Variants in GRK5 observed in about 807,000 individuals in gnomAD.
The protein encoded by GRK5 is g protein-coupled receptor kinase GRK5.
Under a neutral mutation model 78.4 loss-of-function variants are expected in GRK5, and 40 were observed. The ratio of observed to expected loss-of-function variants is 0.51; its 90% CI spans 0.40 to 0.66. GRK5 has a LOEUF of 0.66. GRK5 is among the 30% of genes least tolerant of loss of function. GRK5 has a pLI of 0.00. For missense variants in GRK5, 598 were observed against 759.9 expected (o/e 0.79, Z 2.50); for synonymous variants, 289 against 296.8 (o/e 0.97, Z 0.27).
chr10:119,234,600 T>C (rs529428601), intron 1 of GRK5, among the ~76,000 whole-genome samples: 5 of 152,280 alleles, frequency 3.3e-5, no homozygotes, highest in South Asian at 2.1e-4. Flanking sequence ...ACTGTAATTT[T>C]TTCTTTTCTT....
rs1013220096 is a variant in GRK5, at chr10:119,300,948, A to G, written c.53-25568A>G. ...CAACTAAAATGCAAAAAAAACAAAAAACAAAAAAAGCTAGGCATGATGGCG... is the reference window on the plus strand; with the variant it reads ...CAACTAAAATGCAAAAAAAACAAAAGACAAAAAAAGCTAGGCATGATGGCG... On this transcript the variant is annotated intron_variant, in intron 1 of 15. Coordinates refer to ENST00000392870, the MANE Select transcript of GRK5 (RefSeq NM_005308.3). 2.0e-4 allele frequency among the ~76,000 whole-genome samples: 30 copies of G among 152,012 alleles called. 1 individual carries two copies. Among genetic ancestry groups the G allele is most frequent in the Non-Finnish European group, 2.9e-5 (2 of 67,988 alleles).
At chr10:119,291,824 C>T (rs1003180729) in intron 1 of GRK5, among the ~76,000 whole-genome samples, 12 of 150,696 alleles carry the variant, frequency 8.0e-5, no homozygotes, top group African/African-American at 2.7e-4. Context: ...TCCTTATCCT[C>T]ATTCTCCTCT....
intron 2 of GRK5, among the ~76,000 whole-genome samples, chr10:119,348,617 A>G (rs916711411): frequency 9.9e-5 from 15 of 152,118 alleles, no homozygotes; most frequent in Non-Finnish European, 1.6e-4. Flanking sequence ...AGGTGGGTCT[A>G]CTCAGGCAGG....
intron 6 of GRK5, among the ~76,000 whole-genome samples, chr10:119,429,086 G>C (rs1340895292): frequency 6.6e-6 from 1 of 152,232 alleles, no homozygotes; most frequent in Non-Finnish European, 1.5e-5. Context: ...CTGTCCAGCC[G>C]CTCCTGTGCA....
At position 119,458,032 on chromosome 10, in the gene GRK5, G is replaced by A. The variant is rs1853425380; in HGVS notation, c.*2965G>A. The A allele has an allele frequency of 6.6e-6, 1 of 152,208 alleles. No individual in the cohort carries two copies. The highest frequency in any genetic ancestry group is 2.1e-4 in the South Asian group (1 of 4,832). The allele number at this position is 152,208 out of a possible 1,614,324, so 9.4% of individuals were successfully genotyped here. A position where few individuals can be genotyped will look rare whatever the true frequency, so the allele number is the denominator to read the frequency against. ...TTTAAAAGATATTTTAAAATTAAAA[G>A]CAAACAACACTGTCCACCCATCTAC... On this transcript the variant is annotated 3_prime_UTR_variant, in exon 16 of 16. Transcript: ENST00000392870.
chr10:119,225,950 G>A (rs1212181893), intron 1 of GRK5, among the ~76,000 whole-genome samples: 44 of 151,726 alleles, frequency 2.9e-4, no homozygotes. Context: ...CCGGGTTCAC[G>A]CCATTCTCCT....
intron 8 of GRK5, among the ~76,000 whole-genome samples, chr10:119,433,276 C>T (rs764453802): frequency 1.3e-5 from 2 of 152,136 alleles, no homozygotes; most frequent in Non-Finnish European, 2.9e-5. Flanking sequence ...TTCTTGAGTC[C>T]GAAACCTTCC....
rs921191916 is a variant in GRK5 at position 119,376,598 on chromosome 10, C to T, written c.149-4217C>T. On this transcript the variant is annotated intron_variant, in intron 2 of 15. Transcript: ENST00000392870. The stretch of plus-strand genomic sequence containing the variant: ...TTTTTTTTTGAGACACAGTTTCACT[C>T]TTGTTGCCCAGGCTGGAGTACAATG... Among the ~76,000 whole-genome samples the T allele has an allele frequency of 7.3e-4, 95 of 130,090 alleles. No homozygotes were observed. In the Middle Eastern group the frequency reaches 0.022, roughly 29 times the overall value. The allele number at this position is 130,090 out of a possible 152,430, so 85.3% of individuals were successfully genotyped here. A position where few individuals can be genotyped will look rare whatever the true frequency, so the allele number is the denominator to read the frequency against.
intron 2 of GRK5, among the ~76,000 whole-genome samples, chr10:119,358,749 G>C (rs1851307842): frequency 6.6e-6 from 1 of 152,180 alleles, no homozygotes. Flanking sequence ...AGGCTGCTAT[G>C]ACAAAATACC....
At chr10:119,208,004 C>T (rs1216343242) in intron 1 of GRK5, 35 bp downstream of exon 1, 1 of 1,591,488 alleles carries the variant, frequency 6.3e-7, no homozygotes, top group South Asian at 1.1e-5. Context: ...CCGGCGCGTC[C>T]GCCGCGGGCC....
chr10:119,363,974 C>A (rs762286844), intron 2 of GRK5, among the ~76,000 whole-genome samples: 2 of 152,166 alleles, frequency 1.3e-5, no homozygotes, highest in Non-Finnish European at 2.9e-5. Context: ...CATGGGTTCA[C>A]GCCTCTCCCT....
In GRK5 at chr10:119,253,628, A is replaced by T. The variant is rs1423283925; in HGVS notation, c.52+45659A>T. 1.3e-5 allele frequency among the ~76,000 whole-genome samples: 2 copies of T among 152,140 alleles called. No homozygotes were observed. The highest frequency in any genetic ancestry group is 2.4e-5 in the African/African-American group (1 of 41,436). On this transcript the variant is annotated intron_variant, in intron 1 of 15. Coordinates refer to ENST00000392870, the MANE Select transcript of GRK5 (RefSeq NM_005308.3). The surrounding 1 kb of genome is among the most constrained non-coding windows in gnomAD (Gnocchi z 5.7). Reference sequence around the variant, plus strand: ...TCGTTTGGAGGTCACGGCTCACCATAAAAATGGTGTGAGTGGCCAGCTCTT... The same window carrying T: ...TCGTTTGGAGGTCACGGCTCACCATTAAAATGGTGTGAGTGGCCAGCTCTT...
intron 4 of GRK5, among the ~76,000 whole-genome samples, chr10:119,414,228 A>G (rs1438548800): frequency 1.3e-5 from 2 of 152,238 alleles, no homozygotes; most frequent in African/African-American, 2.4e-5. Context: ...TATACACATC[A>G]TTAAGCCCTA....
At chr10:119,383,557 TTAA>T (rs1851747559) in intron 3 of GRK5, among the ~76,000 whole-genome samples, 1 of 152,258 alleles carries the variant, frequency 6.6e-6, no homozygotes, top group South Asian at 2.1e-4. Flanking sequence ...TTTTCTCGCA[TTAA>T]TGTTTCTAAA....
chr10:119,390,739 T>C (rs72837510), intron 3 of GRK5, among the ~76,000 whole-genome samples: 4,446 of 152,256 alleles, frequency 0.029, 190 homozygotes, highest in East Asian at 0.17. Context: ...GTGAGACTTA[T>C]TCACTATCCC....
At chr10:119,358,249 G>A (rs891827914) in intron 2 of GRK5, among the ~76,000 whole-genome samples, 5 of 152,132 alleles carry the variant, frequency 3.3e-5, no homozygotes, top group African/African-American at 7.2e-5. Context: ...GTCCTAGCTC[G>A]GATGTTGTCT....
chr10:119,396,400 G>A (rs1445485611), intron 3 of GRK5, among the ~76,000 whole-genome samples: 1 of 152,222 alleles, frequency 6.6e-6, no homozygotes, highest in Non-Finnish European at 1.5e-5. Flanking sequence ...GGTTTCATGG[G>A]TCTAGGGTGG....
chr10:119,439,996 C>T (rs1226274619), intron 10 of GRK5, among the ~76,000 whole-genome samples: 2 of 152,102 alleles, frequency 1.3e-5, no homozygotes, highest in African/African-American at 4.8e-5. Flanking sequence ...TTTGAAATTC[C>T]CTTTGACCAT....
chr10:119,247,643 CTT>C (rs1849133913), intron 1 of GRK5, among the ~76,000 whole-genome samples: 1 of 152,142 alleles, frequency 6.6e-6, no homozygotes, highest in Non-Finnish European at 1.5e-5. Flanking sequence ...TTTATGCCAC[CTT>C]TGTTTGTTTG....
Sources: gnomAD v4.1 joint callset for allele counts (sites outside exome capture counted in the v4.1 genomes callset) on GRCh38, gnomAD v4.1.1 for gene constraint, Gnocchi (gnomAD v3.1) non-coding constraint, MANE v1.5 for transcripts, NCBI Gene and HGNC (gene_info 2026-07-23, HGNC 2026-07-21) for gene names.